Variants in EIF4G3 observed in about 807,000 individuals in gnomAD.
The protein encoded by EIF4G3 is eukaryotic translation initiation factor 4 gamma 3.
Under a neutral mutation model 186.4 loss-of-function variants are expected in EIF4G3, and 34 were observed. The observed-to-expected ratio is 0.18, with a 90% CI of 0.14 to 0.24. The LOEUF is 0.24. EIF4G3 is among the 10% of genes least tolerant of loss of function. The pLI is 1.00. For synonymous variants in EIF4G3, 673 were observed against 679.5 expected, an observed-to-expected ratio of 0.99 and a Z score of 0.15; for missense variants, 1,536 against 1,948.5, an observed-to-expected ratio of 0.79 and a Z score of 3.99.
intron 2 of EIF4G3, among the ~76,000 whole-genome samples, chr1:21,107,485 A>G (rs1014279189): frequency 3.9e-5 from 6 of 152,086 alleles, no homozygotes; most frequent in African/African-American, 1.4e-4. Context: ...AAACTATCCA[A>G]TTTTTAAAAA....
At chr1:21,126,139 C>T (rs1306087306) in intron 2 of EIF4G3, among the ~76,000 whole-genome samples, 3 of 150,386 alleles carry the variant, frequency 2.0e-5, no homozygotes, top group East Asian at 3.9e-4. Context: ...CCCAGGAAGT[C>T]GAGGCTACAG....
chr1:20,928,702 C>T (rs2095106946), intron 14 of EIF4G3, among the ~76,000 whole-genome samples: 1 of 151,836 alleles, frequency 6.6e-6, no homozygotes, highest in Non-Finnish European at 1.5e-5. Flanking sequence ...CCAGGCCCCT[C>T]TTTTTAAAAT....
chr1:21,031,957 T>C (rs2092783163), intron 4 of EIF4G3, among the ~76,000 whole-genome samples: 2 of 152,216 alleles, frequency 1.3e-5, no homozygotes, highest in Admixed American at 6.5e-5. Context: ...ACTCTACAAA[T>C]ACCAGGCATC....
chr1:20,957,486 AACAAGC>A (rs1166940825), intron 12 of EIF4G3, among the ~76,000 whole-genome samples: 13 of 151,902 alleles, frequency 8.6e-5, no homozygotes, highest in Admixed American at 8.5e-4. Context: ...GAATTAGAAA[AACAAGC>A]ACAAGCACAA....
intron 2 of EIF4G3, among the ~76,000 whole-genome samples, chr1:21,106,122 A>T (rs1278839381): frequency 2.0e-5 from 3 of 149,008 alleles, no homozygotes; most frequent in Non-Finnish European, 4.4e-5. Flanking sequence ...AGTAGCAATT[A>T]GAGTTTGGAA....
intron 4 of EIF4G3, among the ~76,000 whole-genome samples, chr1:21,034,282 T>C (rs563883385): frequency 3.9e-5 from 6 of 152,330 alleles, no homozygotes; most frequent in African/African-American, 1.4e-4. Context: ...ACCACAAATA[T>C]TGCTCTTACT....
chr1:21,019,550 T>C (rs1279379017), intron 4 of EIF4G3, among the ~76,000 whole-genome samples: 1 of 152,200 alleles, frequency 6.6e-6, no homozygotes, highest in Non-Finnish European at 1.5e-5. Flanking sequence ...ATTTTTATCT[T>C]TTATTATCGA....
intron 18 of EIF4G3, among the ~76,000 whole-genome samples, chr1:20,891,178 C>T (rs886274724): frequency 1.3e-5 from 2 of 152,136 alleles, no homozygotes; most frequent in African/African-American, 2.4e-5. Flanking sequence ...TTAAAAGAGA[C>T]ATTGCTTATT....
At chr1:21,152,661 T>C (rs1202869106) in intron 2 of EIF4G3, among the ~76,000 whole-genome samples, 8 of 152,188 alleles carry the variant, frequency 5.3e-5, no homozygotes, top group African/African-American at 1.4e-4. Context: ...TATGAGGTCA[T>C]TGCGGTATTA....
chr1:20,908,297 G>C (rs1414274073), intron 14 of EIF4G3, among the ~76,000 whole-genome samples: 1 of 152,116 alleles, frequency 6.6e-6, no homozygotes, highest in Non-Finnish European at 1.5e-5. Context: ...TTAGCCCTTT[G>C]TCAGATGAGT....
chr1:21,101,260 T>C (rs1248469038), intron 2 of EIF4G3, among the ~76,000 whole-genome samples: 1 of 151,162 alleles, frequency 6.6e-6, no homozygotes, highest in African/African-American at 2.4e-5. Context: ...TTAATTTAAA[T>C]CACTGCAGGA....
At position 20,880,661 on chromosome 1, in the gene EIF4G3, G is replaced by C. The variant is rs147998655; in HGVS notation, c.2425-1141C>G. On this transcript the variant is annotated intron_variant, in intron 19 of 36. Transcript: ENST00000602326. ...AGCTACTCGGGAGGCTGAGGCAGAA[G>C]AAACACTTGAACCTGGGAGGCAGCG... Among the ~76,000 whole-genome samples, 143 of 152,296 alleles carry C rather than the reference G, an allele frequency of 9.4e-4. 1 individual carries two copies. In the East Asian group the frequency reaches 0.026, roughly 28 times the overall value.
chr1:20,807,198 C>G lies in EIF4G3; in HGVS notation c.*121G>C. On this transcript the variant is annotated 3_prime_UTR_variant, in exon 37 of 37. Transcript: ENST00000602326. ...TTTTTTCTCTTTCCCCTCTCCCACT[C>G]GTGCACACGTGGGGGTTTCTGCGAG... The G allele has an allele frequency of 1.3e-6, 1 of 790,786 alleles. No individual in the cohort carries two copies. Among genetic ancestry groups the G allele is most frequent in the Non-Finnish European group, 1.9e-6 (1 of 526,578 alleles). 49.0% of individuals were successfully genotyped at this position (790,786 alleles called of 1,614,324 possible). A position where few individuals can be genotyped will look rare whatever the true frequency, so the allele number is the denominator to read the frequency against.
chr1:21,050,855 GT>G lies in EIF4G3; in HGVS notation c.-67+10del. The G allele has an allele frequency of 1.4e-6, 1 of 691,088 alleles. No individual in the cohort carries two copies. The highest frequency in any genetic ancestry group is 1.6e-5 in the South Asian group (1 of 62,144). 42.8% of individuals were successfully genotyped at this position (691,088 alleles called of 1,614,324 possible). A position where few individuals can be genotyped will look rare whatever the true frequency, so the allele number is the denominator to read the frequency against. ...GACATTTCTTATTTTTTTAAAAAAG[GT>G]TTATCTTACTTGAGAGAGTCCAGGG... is the stretch of plus-strand genomic sequence containing the variant. On this transcript the variant is annotated intron_variant, in intron 4 of 36. Coordinates refer to ENST00000602326, the MANE Select transcript of EIF4G3 (RefSeq NM_001391906.1).
chr1:21,080,682 G>A (rs975715607), intron 3 of EIF4G3, among the ~76,000 whole-genome samples: 1 of 151,954 alleles, frequency 6.6e-6, no homozygotes, highest in Non-Finnish European at 1.5e-5. Flanking sequence ...GCTAATTTTT[G>A]TATTTTTAGT....
intron 2 of EIF4G3, among the ~76,000 whole-genome samples, chr1:21,138,448 C>T (rs1272358876): frequency 6.6e-6 from 1 of 152,128 alleles, no homozygotes; most frequent in African/African-American, 2.4e-5. Flanking sequence ...CCCTCCTTCC[C>T]CAAACCAAGG....
chr1:20,962,096 G>A (rs962412819), intron 12 of EIF4G3, among the ~76,000 whole-genome samples: 1 of 152,046 alleles, frequency 6.6e-6, no homozygotes, highest in South Asian at 2.1e-4. Flanking sequence ...TATCATAACC[G>A]AAGCTATAGA....
chr1:21,161,865 G>C (rs2097772850), intron 2 of EIF4G3: 1 of 151,856 alleles, frequency 6.6e-6, no homozygotes, highest in Non-Finnish European at 1.5e-5. Context: ...CTACTCAGGA[G>C]GCTGAGGCAG....
chr1:21,133,069 C>T (rs1409583714), intron 2 of EIF4G3, among the ~76,000 whole-genome samples: 1 of 152,168 alleles, frequency 6.6e-6, no homozygotes, highest in Non-Finnish European at 1.5e-5. Flanking sequence ...TAGGTGTGAG[C>T]AATCATGCCC....
Sources: allele counts gnomAD v4.1 joint callset (sites outside exome capture counted in the v4.1 genomes callset), GRCh38; gene constraint gnomAD v4.1.1; transcripts MANE v1.5; gene names NCBI Gene and HGNC (gene_info 2026-07-23, HGNC 2026-07-21).